CACNA2D2: variants seen among roughly 807,000 people sequenced by gnomAD.
The protein encoded by CACNA2D2 is voltage-dependent calcium channel subunit alpha-2/delta-2.
CACNA2D2 carries 48 observed loss-of-function variants against 166.4 expected under a neutral mutation model. The observed-to-expected ratio is 0.29, with a 90% CI of 0.23 to 0.37. The LOEUF (loss-of-function observed/expected upper bound fraction) is 0.37, where lower values mean the gene tolerates loss of function less well. Among genes scored for constraint, CACNA2D2 ranks in the 10% least tolerant of loss-of-function variants. The probability of loss-of-function intolerance (pLI) is 1.00; values close to 1 mark genes in which losing one functional copy is unlikely to be tolerated. For missense variants in CACNA2D2, 1,122 were observed against 1,433.0 expected, an observed-to-expected ratio of 0.78 and a Z score of 3.50; for synonymous variants, 561 against 573.7, an observed-to-expected ratio of 0.98 and a Z score of 0.32.
intron 3 of CACNA2D2, among the ~76,000 whole-genome samples, chr3:50,413,757 G>A (rs1009747695): frequency 6.6e-6 from 1 of 152,162 alleles, no homozygotes; most frequent in African/African-American, 2.4e-5. Flanking sequence ...TGAGGCAGGA[G>A]AGTCACTTGA....
At position 50,405,587 on chromosome 3, in the gene CACNA2D2, C is replaced by T. The variant is rs530916204; in HGVS notation, c.406-11419G>A. On this transcript the variant is annotated intron_variant, in intron 3 of 37. Transcript: ENST00000424201. ...TGAGTAATGGTGACAGTGACAGAAA[C>T]GGTAGGTCTGCTCAGTGGGCTGAAA... Among the ~76,000 whole-genome samples the T allele has an allele frequency of 1.6e-4, 25 of 152,306 alleles. No individual in the cohort carries two copies. In the East Asian group the frequency reaches 2.5e-3, roughly 15 times the overall value.
At chr3:50,482,896 G>A (rs1438402525) in intron 1 of CACNA2D2, among the ~76,000 whole-genome samples, 1 of 152,184 alleles carries the variant, frequency 6.6e-6, no homozygotes, top group African/African-American at 2.4e-5. Context: ...CCAGGGCAGG[G>A]CCTCCCAAGG....
intron 2 of CACNA2D2, among the ~76,000 whole-genome samples, chr3:50,472,878 G>A (rs1165561427): frequency 6.6e-6 from 1 of 152,176 alleles, no homozygotes; most frequent in Non-Finnish European, 1.5e-5. Flanking sequence ...CCCCCAGGAT[G>A]GGACAATATG....
At chr3:50,454,278 C>T (rs1232728672) in intron 2 of CACNA2D2, among the ~76,000 whole-genome samples, 3 of 152,168 alleles carry the variant, frequency 2.0e-5, no homozygotes, top group Non-Finnish European at 4.4e-5. Context: ...GGGACCGAGC[C>T]GGACTCCACA....
intron 2 of CACNA2D2, among the ~76,000 whole-genome samples, chr3:50,435,210 G>C (rs1440516067): frequency 6.6e-6 from 1 of 151,974 alleles, no homozygotes; most frequent in Non-Finnish European, 1.5e-5. Flanking sequence ...GCTGGGGTGG[G>C]GTGAGGGTCT....
intron 2 of CACNA2D2, among the ~76,000 whole-genome samples, chr3:50,464,114 C>T (rs1709712497): frequency 6.6e-6 from 1 of 152,220 alleles, no homozygotes; most frequent in Non-Finnish European, 1.5e-5. Context: ...GGCCATGGCT[C>T]ATTGAGACTG....
chr3:50,366,343 G>A lies in CACNA2D2; in HGVS notation c.2638-5C>T, dbSNP rs1704282704. 6.2e-7 allele frequency: 1 copy of A among 1,613,930 alleles called. No individual in the cohort carries two copies. The highest frequency in any genetic ancestry group is 8.5e-7 in the Non-Finnish European group (1 of 1,179,876). ...AATGAGGACACAGAGTAAGTCCTAG[G>A]AGGAAGGGAATGGGGAGGAAAATGG... On this transcript the variant is annotated splice_polypyrimidine_tract_variant and splice_region_variant and intron_variant, in intron 30 of 37. Coordinates refer to ENST00000424201, the MANE Select transcript of CACNA2D2 (RefSeq NM_006030.4). The surrounding 1 kb of genome is among the most constrained non-coding windows in gnomAD (Gnocchi z 5.9).
intron 1 of CACNA2D2, among the ~76,000 whole-genome samples, chr3:50,477,181 A>G (rs2282762): frequency 0.29 from 44,595 of 151,856 alleles, 9,397 homozygotes; most frequent in East Asian, 0.67. Flanking sequence ...CGCCTGTCTC[A>G]GCCTCCCAAA....
chr3:50,416,902 G>A lies in CACNA2D2; in HGVS notation c.405+17411C>T, dbSNP rs142775486. On this transcript the variant is annotated intron_variant, in intron 3 of 37. Transcript: ENST00000424201. ...GCCCATCGGGTGCACACAGATACAC[G>A]TGGGCATGATGGGCTGAGATGCACA... Among the ~76,000 whole-genome samples, 823 of 152,312 alleles carry A rather than the reference G, an allele frequency of 5.4e-3. 16 individuals carry two copies. Among genetic ancestry groups the A allele is most frequent in the African/African-American group, 0.018 (764 of 41,560 alleles).
intron 3 of CACNA2D2, among the ~76,000 whole-genome samples, chr3:50,433,067 G>C (rs1396730841): frequency 6.6e-6 from 1 of 152,242 alleles, no homozygotes; most frequent in African/African-American, 2.4e-5. Context: ...GTGGTTTTTA[G>C]TATATTCAGA....
intron 3 of CACNA2D2, among the ~76,000 whole-genome samples, chr3:50,423,714 G>A (rs1377803135): frequency 1.3e-5 from 2 of 152,250 alleles, no homozygotes; most frequent in African/African-American, 4.8e-5. Context: ...GGCACAGAGT[G>A]GGCAAACACA....
chr3:50,371,444 T>G (rs1704652633), intron 22 of CACNA2D2, among the ~76,000 whole-genome samples: 1 of 152,086 alleles, frequency 6.6e-6, no homozygotes, highest in African/African-American at 2.4e-5. Context: ...CTCTGTGGCC[T>G]CTCCCTGCCC....
intron 2 of CACNA2D2, among the ~76,000 whole-genome samples, chr3:50,468,873 G>A (rs1709948090): frequency 6.8e-6 from 1 of 146,142 alleles, no homozygotes; most frequent in Non-Finnish European, 1.5e-5. Flanking sequence ...CTGTTGCCCA[G>A]GGTGGAGTGC....
At chr3:50,370,263 G>A in intron 23 of CACNA2D2, 57 bp downstream of exon 23, 4 of 1,232,232 alleles carry the variant, frequency 3.2e-6, no homozygotes, top group Non-Finnish European at 4.7e-6. Context: ...TGCAGGAGGT[G>A]GGGCCGGGGC....
At chr3:50,433,613 T>C (rs1246193247) in intron 3 of CACNA2D2, among the ~76,000 whole-genome samples, 2 of 152,242 alleles carry the variant, frequency 1.3e-5, no homozygotes, top group East Asian at 1.9e-4. Context: ...TGCCTCTCAC[T>C]CATTTACGTA....
At position 50,364,316 on chromosome 3, in the gene CACNA2D2, C is replaced by T. The variant is rs1048912809; in HGVS notation, c.*350G>A. 56 of 291,004 alleles carry T rather than the reference C, an allele frequency of 1.9e-4. No individual in the cohort carries two copies. The highest frequency in any genetic ancestry group is 3.0e-4 in the Non-Finnish European group (47 of 156,040). 18.0% of individuals were successfully genotyped at this position (291,004 alleles called of 1,614,324 possible). On this transcript the variant is annotated 3_prime_UTR_variant, in exon 38 of 38. Coordinates refer to ENST00000424201, the MANE Select transcript of CACNA2D2 (RefSeq NM_006030.4). ...GAGGCCGGGTCAGCTGAGGCAGGGT[C>T]CCCCCCAACATAGGCAGCCTCCAGG...
In CACNA2D2 at chr3:50,365,097, C is replaced by G; in HGVS notation, c.3186G>C (p.Arg1062=). 1.2e-6 allele frequency: 2 copies of G among 1,611,780 alleles called. No individual in the cohort carries two copies. Among genetic ancestry groups the G allele is most frequent in the Non-Finnish European group, 1.7e-6 (2 of 1,179,582 alleles). ...KPLCSQCEAG[R]LLQKETHSDG... is the part of the protein sequence containing the mutation. ...TACAGTGCGTCTCCTTCTGCAGCAG[C>G]CGGCCAGCCTCGCACTGGCTGCACA... The change falls in exon 36 of 38, where the codon CGG becomes CGC. Residue 1062 remains arginine (R), a synonymous_variant. Transcript: ENST00000424201. This position sits in a 1 kb window ranked among gnomAD's most constrained non-coding sequence, Gnocchi z 4.5.
In CACNA2D2 at chr3:50,364,664, G is replaced by T; in HGVS notation, c.*2C>A. 6.6e-7 allele frequency: 1 copy of T among 1,521,690 alleles called. No individual in the cohort carries two copies. The allele number at this position is 1,521,690 out of a possible 1,614,324, so 94.3% of individuals were successfully genotyped here. ...GAGTGGAGGTGGGGTGGGGCAGGGT[G>T]CTCAGAGGCGGCGAGAGGCGTGGAC... On this transcript the variant is annotated 3_prime_UTR_variant, in exon 38 of 38. Transcript: ENST00000424201.
chr3:50,367,835 C>T lies in CACNA2D2; in HGVS notation c.2211G>A (p.Val737=), dbSNP rs746732128. The T allele has an allele frequency of 6.2e-7, 1 of 1,613,354 alleles. No individual in the cohort carries two copies. The highest frequency in any genetic ancestry group is 2.2e-5 in the East Asian group (1 of 44,834). ...ACGTGTTGAGATCCTGGTCCCTCCACACACGCTCTACCAGCTGCTGCGTGA... is the reference window on the plus strand; with the variant it reads ...ACGTGTTGAGATCCTGGTCCCTCCATACACGCTCTACCAGCTGCTGCGTGA... ...TGITQQLVER[V]WRDQDLNTYS... The change falls in exon 25 of 38, where the codon GTG becomes GTA. Residue 737 remains valine (V), a synonymous_variant. Coordinates refer to ENST00000424201, the MANE Select transcript of CACNA2D2 (RefSeq NM_006030.4). The surrounding 1 kb of genome is among the most constrained non-coding windows in gnomAD (Gnocchi z 6.5).
Sources: gnomAD v4.1 joint callset for allele counts (sites outside exome capture counted in the v4.1 genomes callset) on GRCh38, gnomAD v4.1.1 for gene constraint, Gnocchi (gnomAD v3.1) non-coding constraint, MANE v1.5 for transcripts, NCBI Gene and HGNC (gene_info 2026-07-23, HGNC 2026-07-21) for gene names.